DIAPH2: variants seen among roughly 807,000 people sequenced by gnomAD.
DIAPH2 encodes the protein protein diaphanous homolog 2.
In DIAPH2, 35 loss-of-function variants were observed where a neutral mutation model predicts 92.7. That is an observed-to-expected ratio of 0.38 (90% CI 0.29 to 0.50). The LOEUF is 0.50. DIAPH2 is among the 20% of genes least tolerant of loss of function. The pLI, the probability that DIAPH2 is intolerant of heterozygous loss-of-function variation, is 0.94. For missense variants in DIAPH2, 701 were observed against 819.5 expected (o/e 0.86, Z 1.77); for synonymous variants, 301 against 280.4 (o/e 1.07, Z -0.73).
intron 22 of DIAPH2, among the ~76,000 whole-genome samples, chrX:97,195,003 C>T (rs1211877776): frequency 9.0e-6 from 1 of 111,569 alleles, no homozygotes; most frequent in African/African-American, 3.3e-5. Flanking sequence ...AAAGCAAAAG[C>T]TAATAAAATG....
intron 26 of DIAPH2, among the ~76,000 whole-genome samples, chrX:97,453,792 T>C (rs1033782315): frequency 1.8e-5 from 2 of 112,044 alleles, no homozygotes; most frequent in Non-Finnish European, 3.8e-5. Context: ...CGAAGAGAGA[T>C]AACACAGATT....
intron 26 of DIAPH2, among the ~76,000 whole-genome samples, chrX:97,434,673 G>A (rs928931789): frequency 1.8e-5 from 2 of 110,903 alleles, no homozygotes; most frequent in African/African-American, 6.6e-5. Context: ...GCCTCCCAAA[G>A]TGCTGGGACT....
Position 97,600,354 on chromosome X carries a change from C to G in DIAPH2, c.*1037C>G, listed in dbSNP as rs2071585390. 1 of 112,398 alleles carries G rather than the reference C, an allele frequency of 8.9e-6. No individual in the cohort carries two copies. The highest frequency in any genetic ancestry group is 3.7e-4 in the South Asian group (1 of 2,715). The allele number at this position is 112,398 out of a possible 1,213,427, so 9.3% of individuals were successfully genotyped here. On this transcript the variant is annotated 3_prime_UTR_variant, in exon 27 of 27. Transcript: ENST00000324765. ...CTGAAAGGTCAATTGTTTTATCTCC[C>G]TTTCCACTCTCTTTCCAATTTCACT...
At chrX:97,190,981 T>C (rs976166944) in intron 22 of DIAPH2, among the ~76,000 whole-genome samples, 1 of 110,661 alleles carries the variant, frequency 9.0e-6, no homozygotes, top group African/African-American at 3.3e-5. Flanking sequence ...CACCTAATTC[T>C]GTGTGCAGTA....
intron 24 of DIAPH2, 37 bp downstream of exon 24, chrX:97,348,317 G>T: frequency 1.8e-6 from 2 of 1,090,070 alleles, no homozygotes; most frequent in East Asian, 3.2e-5. Context: ...AAGACCTGTT[G>T]CTTATATTTC....
chrX:97,158,334 G>A (rs2067339959), intron 22 of DIAPH2, among the ~76,000 whole-genome samples: 2 of 108,692 alleles, frequency 1.8e-5, no homozygotes, highest in South Asian at 3.8e-4. Context: ...ATGTTTGATC[G>A]GTTCTATTGT....
chrX:96,888,695 G>A (rs751930245), intron 5 of DIAPH2, among the ~76,000 whole-genome samples: 1 of 102,729 alleles, frequency 9.7e-6, no homozygotes. Context: ...GTATATATTA[G>A]TATGTATATG....
chrX:97,100,141 G>T (rs2066896515), intron 20 of DIAPH2, among the ~76,000 whole-genome samples: 1 of 109,962 alleles, frequency 9.1e-6, no homozygotes, highest in Non-Finnish European at 1.9e-5. Context: ...TTAGAATTTG[G>T]CCTCCAAAAA....
rs140362984 is a variant in DIAPH2, at chrX:96,974,119, G to C, written c.2050+8912G>C. On this transcript the variant is annotated intron_variant, in intron 17 of 26. Coordinates refer to ENST00000324765, the MANE Select transcript of DIAPH2 (RefSeq NM_006729.5). ...AGTTGGAATGTAAAGTTTGGAGACA[G>C]TCTTGGGCCAATGATCTGCTGTTCA... is the stretch of plus-strand genomic sequence containing the variant. Among the ~76,000 whole-genome samples, 809 of 111,816 alleles carry C rather than the reference G, an allele frequency of 7.2e-3. 8 individuals carry two copies. The highest frequency in any genetic ancestry group is 0.025 in the African/African-American group (759 of 30,764).
intron 26 of DIAPH2, among the ~76,000 whole-genome samples, chrX:97,488,666 C>A (rs1270729230): frequency 9.0e-6 from 1 of 111,596 alleles, no homozygotes; most frequent in Non-Finnish European, 1.9e-5. Flanking sequence ...TTTTGCATGT[C>A]CATATCCAAT....
intron 26 of DIAPH2, among the ~76,000 whole-genome samples, chrX:97,495,146 G>C (rs2070750155): frequency 8.9e-6 from 1 of 111,967 alleles, no homozygotes; most frequent in Non-Finnish European, 1.9e-5. Context: ...ATGGCTTGGG[G>C]GAAGGGGCTA....
intron 24 of DIAPH2, among the ~76,000 whole-genome samples, chrX:97,349,396 C>G (rs1472222983): frequency 9.0e-6 from 1 of 111,263 alleles, no homozygotes; most frequent in South Asian, 3.8e-4. Flanking sequence ...TAATCCCCAA[C>G]AGGAAGATCA....
intron 12 of DIAPH2, among the ~76,000 whole-genome samples, 195 bp from the exon 13 acceptor site, chrX:96,941,823 A>G (rs780311596): frequency 1.1e-4 from 12 of 110,417 alleles, no homozygotes; most frequent in South Asian, 3.9e-4. Flanking sequence ...TTACATCACA[A>G]TGGGTTTGGT....
rs891784324 is a variant in DIAPH2, at chrX:97,400,957, C to A, written c.3145+16913C>A. Among the ~76,000 whole-genome samples the A allele has an allele frequency of 6.5e-5, 7 of 107,011 alleles. No individual in the cohort carries two copies. In the East Asian group the frequency reaches 2.0e-3, roughly 31 times the overall value. The allele number at this position is 107,011 out of a possible 115,157, so 92.9% of individuals were successfully genotyped here. On this transcript the variant is annotated intron_variant, in intron 25 of 26. Coordinates refer to ENST00000324765, the MANE Select transcript of DIAPH2 (RefSeq NM_006729.5). ...GTGTTGCTCAGGCTGGCCACGAACT[C>A]CTGGGCTCAAGTGATCCTCCTGCGT... is the stretch of plus-strand genomic sequence containing the variant.
chrX:97,242,366 CT>C (rs1169497015), intron 22 of DIAPH2, among the ~76,000 whole-genome samples: 32 of 103,534 alleles, frequency 3.1e-4, no homozygotes, highest in Admixed American at 3.1e-4. Context: ...CTAAGCAGCT[CT>C]TTTTTTTTTT....
intron 22 of DIAPH2, among the ~76,000 whole-genome samples, chrX:97,153,088 A>T (rs1450728293): frequency 9.0e-6 from 1 of 111,610 alleles, no homozygotes; most frequent in Non-Finnish European, 1.9e-5. Flanking sequence ...TTGTACAAAA[A>T]TTTTCTTAAT....
intron 3 of DIAPH2, among the ~76,000 whole-genome samples, chrX:96,751,058 C>A (rs12156695): frequency 9.0e-6 from 1 of 111,624 alleles, no homozygotes; most frequent in East Asian, 2.8e-4. Context: ...AGAAAAATGA[C>A]GAATGACTGA....
Position 96,957,832 on chromosome X carries a change from A to G in DIAPH2, c.1619A>G (p.Gln540Arg), listed in dbSNP as rs1027444053. Residue 540 changes from glutamine to arginine, a missense_variant, in exon 16 of 27, where the codon CAA (glutamine) becomes CGA (arginine). Transcript: ENST00000324765. The part of the protein sequence containing the change: ...AEIQQLRTQA[Q>R]VLSSSSGIPG... ...CTTGGATTATTTATATTTCAGGCAC[A>G]AGTACTCTCAAGTTCATCAGGAATT... 40 of 1,190,378 alleles carry G rather than the reference A, an allele frequency of 3.4e-5. No individual in the cohort carries two copies. The highest frequency in any genetic ancestry group is 4.6e-5 in the Non-Finnish European group (40 of 876,921).
chrX:97,471,445 C>A (rs1021941119), intron 26 of DIAPH2, among the ~76,000 whole-genome samples: 3 of 111,209 alleles, frequency 2.7e-5, no homozygotes, highest in African/African-American at 9.8e-5. Context: ...AATCCCAACA[C>A]TTTGAGAGGC....
Sources: allele counts gnomAD v4.1 joint callset (sites outside exome capture counted in the v4.1 genomes callset), GRCh38; gene constraint gnomAD v4.1.1; transcripts MANE v1.5; gene names NCBI Gene and HGNC (gene_info 2026-07-23, HGNC 2026-07-21).